Variants in LAMA5 observed in about 807,000 individuals in gnomAD.
LAMA5 encodes the protein laminin subunit alpha 5.
A neutral mutation model predicts 433.4 loss-of-function variants in LAMA5; 260 were observed. The ratio of observed to expected loss-of-function variants is 0.60; its 90% CI spans 0.54 to 0.66. LAMA5 has a LOEUF of 0.66. LAMA5 is among the 30% of genes least tolerant of loss of function. The pLI is 0.00. For missense variants in LAMA5, 5,378 were observed against 5,258.5 expected (o/e 1.02, Z -0.70); for synonymous variants, 2,620 against 2,226.6 (o/e 1.18, Z -4.97).
At chr20:62,329,511 G>A (rs964025691) in intron 32 of LAMA5, among the ~76,000 whole-genome samples, 3 of 152,182 alleles carry the variant, frequency 2.0e-5, no homozygotes, top group Admixed American at 6.5e-5. Context: ...TGCTGGCCAC[G>A]CCTTCCTCTT....
chr20:62,326,854 A>G lies in LAMA5; in HGVS notation c.5214+11T>C, dbSNP rs377713188. The G allele has an allele frequency of 5.0e-6, 8 of 1,607,964 alleles. No individual in the cohort carries two copies. The highest frequency in any genetic ancestry group is 6.8e-6 in the Non-Finnish European group (8 of 1,175,804). ...CCCAACCACCCTGCCACATCATCTC[A>G]GCTCCCTCACCTGCAGCACCACATC... On this transcript the variant is annotated intron_variant, in intron 39 of 79. Transcript: ENST00000252999.
At chr20:62,338,668 C>T in intron 11 of LAMA5, 60 bp from the exon 12 acceptor site, 1 of 1,486,350 alleles carries the variant, frequency 6.7e-7, no homozygotes. Context: ...GTACGCCCCT[C>T]CTGGCAAACC....
At chr20:62,345,540 C>T (rs745877374) in intron 11 of LAMA5, 51 of 574,166 alleles carry the variant, frequency 8.9e-5, no homozygotes, top group Non-Finnish European at 1.3e-4. Context: ...CGGAGTAGCT[C>T]GAACTACAGG....
At chr20:62,360,167 G>A (rs897777423) in intron 2 of LAMA5, among the ~76,000 whole-genome samples, 6 of 151,004 alleles carry the variant, frequency 4.0e-5, no homozygotes, top group African/African-American at 7.3e-5. Context: ...GGCCTAGGCC[G>A]AGACAGGGGC....
chr20:62,326,720 G>A lies in LAMA5; in HGVS notation c.5255C>T (p.Pro1752Leu). 6.2e-7 allele frequency: 1 copy of A among 1,612,826 alleles called. No individual in the cohort carries two copies. The highest frequency in any genetic ancestry group is 1.6e-4 in the Middle Eastern group (1 of 6,078). Residue 1752 changes from proline (P) to leucine (L), a missense_variant, in exon 40 of 80, where the codon CCC becomes CTC. Coordinates refer to ENST00000252999, the MANE Select transcript of LAMA5 (RefSeq NM_005560.6). ...MSITFLEPAY[P>L]TPGHVHRGQL... is the part of the protein sequence containing the mutation. Reference sequence around the variant, plus strand: ...CCCACGGTGAACGTGGCCAGGCGTGGGGTATGCCGGCTCCAGGAATGTGAT... The same window carrying A: ...CCCACGGTGAACGTGGCCAGGCGTGAGGTATGCCGGCTCCAGGAATGTGAT...
At chr20:62,334,793 G>A (rs1006050549) in intron 20 of LAMA5, among the ~76,000 whole-genome samples, 172 bp from the exon 21 acceptor site, 10 of 150,672 alleles carry the variant, frequency 6.6e-5, no homozygotes, top group African/African-American at 2.5e-4. Flanking sequence ...GCTGGGATCT[G>A]TTAGTGCCGT....
rs772840799 is a variant in LAMA5 at position 62,327,379 on chromosome 20, G to T, written c.4966C>A (p.Leu1656Met). The T allele has an allele frequency of 2.1e-5, 34 of 1,593,410 alleles. No homozygotes were observed. The Admixed American group carries it at 5.5e-4, about 26-fold the overall frequency. ...EFVDMEGWVL[L>M]STDRQVVPHE... is the part of the protein sequence containing the mutation. ...GGCACCACCTGCCGGTCAGTGCTCAGCAGCACCCATCCCTCCATATCCACG... is the reference window on the plus strand; with the variant it reads ...GGCACCACCTGCCGGTCAGTGCTCATCAGCACCCATCCCTCCATATCCACG... Residue 1656 changes from leucine to methionine, a missense_variant, in exon 38 of 80, where the codon CTG (leucine) becomes ATG (methionine). Leu to Met is a conservative substitution (Grantham distance 15). Transcript: ENST00000252999.
intron 1 of LAMA5, among the ~76,000 whole-genome samples, chr20:62,363,501 T>C (rs1986387121): frequency 6.6e-6 from 1 of 152,056 alleles, no homozygotes; most frequent in African/African-American, 2.4e-5. Flanking sequence ...AGCAGAATCC[T>C]GGCCTGCATC....
Position 62,314,346 on chromosome 20 carries a change from T to G in LAMA5, c.8462A>C (p.Asp2821Ala), listed in dbSNP as rs1326200446. 6.2e-7 allele frequency: 1 copy of G among 1,613,294 alleles called. No homozygotes were observed. The highest frequency in any genetic ancestry group is 1.3e-5 in the African/African-American group (1 of 74,990). ...GEAGPAVLSI[D>A]EDIGEQFAAV... ...TGCGAACTGCTCCCCAATGTCCTCA[T>G]CGATGCTTAGGACTGCAGGGCCCGC... Residue 2821 changes from aspartate (D) to alanine (A), a missense_variant, in exon 62 of 80, where the codon GAT becomes GCT. Coordinates refer to ENST00000252999, the MANE Select transcript of LAMA5 (RefSeq NM_005560.6).
chr20:62,317,060 G>A lies in LAMA5; in HGVS notation c.7512-37C>T, dbSNP rs2236521. ...GGGAGGGTCGAAGGAGTGGGTAAGC[G>A]CAGACGCCCTCGGCCTGGCTCTCCA... On this transcript the variant is annotated intron_variant, in intron 55 of 79. Coordinates refer to ENST00000252999, the MANE Select transcript of LAMA5 (RefSeq NM_005560.6). The A allele has an allele frequency of 0.54, 803,993 of 1,502,668 alleles. 221,717 individuals carry two copies. The highest frequency in any genetic ancestry group is 0.74 in the East Asian group (32,107 of 43,400). 93.1% of individuals were successfully genotyped at this position (1,502,668 alleles called of 1,614,324 possible).
At chr20:62,328,081 C>T (rs1979639569) in intron 35 of LAMA5, 71 bp from the exon 36 acceptor site, 3 of 1,580,064 alleles carry the variant, frequency 1.9e-6, no homozygotes, top group African/African-American at 2.7e-5. Flanking sequence ...CTCGTAGGCA[C>T]CCCCCACCCA....
intron 2 of LAMA5, among the ~76,000 whole-genome samples, chr20:62,361,762 G>A (rs1039019781): frequency 3.3e-5 from 5 of 152,192 alleles, no homozygotes; most frequent in African/African-American, 4.8e-5. Context: ...CTGGGTACCC[G>A]GGCCAAGTCG....
Position 62,310,696 on chromosome 20 carries a change from A to T in LAMA5, c.10415T>A (p.Leu3472His). The T allele has an allele frequency of 6.2e-7, 1 of 1,602,114 alleles. No individual in the cohort carries two copies. The change falls in exon 75 of 80, where the codon CTC (leucine) becomes CAC (histidine). Residue 3472 changes from leucine to histidine, a missense_variant. Transcript: ENST00000252999. ...PQPHTLFVGG[L>H]PASSHSSKLP... ...TTTGGAGCTGTGGCTGCTGGCCGGG[A>T]GGCCGCCCACAAAGAGGGTGTGGGG...
rs775240073 is a variant in LAMA5, at chr20:62,352,011, C to T, written c.756G>A (p.Glu252=). ...GGCGGACGTTGGTGGCCTTGGTGAA[C>T]TCACGTAGCAGCGGCGAGTAGGAGA... The part of the protein sequence containing the change: ...MNFSYSPLLR[E]FTKATNVRLR... The change falls in exon 5 of 80, where the codon GAG becomes GAA. Residue 252 remains glutamate (E), a synonymous_variant. Coordinates refer to ENST00000252999, the MANE Select transcript of LAMA5 (RefSeq NM_005560.6). 4 of 1,612,712 alleles carry T rather than the reference C, an allele frequency of 2.5e-6. No homozygotes were observed. Among genetic ancestry groups the T allele is most frequent in the South Asian group, 1.1e-5 (1 of 91,070 alleles).
intron 40 of LAMA5, among the ~76,000 whole-genome samples, chr20:62,326,293 T>C (rs1601331540): frequency 2.0e-5 from 3 of 150,244 alleles, no homozygotes; most frequent in East Asian, 3.9e-4. Flanking sequence ...CGGTTGTTAC[T>C]CTGAAGTCTG....
intron 21 of LAMA5, 68 bp from the exon 22 acceptor site, chr20:62,334,410 G>GA: frequency 6.6e-7 from 1 of 1,520,124 alleles, no homozygotes; most frequent in Non-Finnish European, 8.9e-7. Context: ...GCGGCCCCGG[G>GA]TCTCCAGGGA....
chr20:62,345,966 C>T (rs138401267), intron 10 of LAMA5, 89 bp from the exon 11 acceptor site: 16 of 1,572,362 alleles, frequency 1.0e-5, no homozygotes, highest in Admixed American at 1.7e-5. Flanking sequence ...TCAGCACAAT[C>T]GGAGATGCAG....
intron 1 of LAMA5, among the ~76,000 whole-genome samples, chr20:62,363,039 G>A (rs1412433713): frequency 6.6e-6 from 1 of 151,766 alleles, no homozygotes; most frequent in Non-Finnish European, 1.5e-5. Context: ...GCCCTGCCAG[G>A]GGCTCCAGAG....
At position 62,337,915 on chromosome 20, in the gene LAMA5, C is replaced by T. The variant is rs768143305; in HGVS notation, c.1915G>A (p.Ala639Thr). ...CQACTCDPRG[A>T]LDQLCGAGGL... ...CCCGCCCCACAGAGCTGGTCCAGGG[C>T]TCCCCGAGGGTCGCAGGTGCATGCT... is the stretch of plus-strand genomic sequence containing the variant. Residue 639 changes from alanine (A) to threonine (T), a missense_variant, in exon 15 of 80, where the codon GCC (alanine) becomes ACC (threonine). Physicochemically the swap from Ala to Thr is moderately conservative, Grantham distance 58. Coordinates refer to ENST00000252999, the MANE Select transcript of LAMA5 (RefSeq NM_005560.6). 1 of 1,611,172 alleles carries T rather than the reference C, an allele frequency of 6.2e-7. No individual in the cohort carries two copies. The highest frequency in any genetic ancestry group is 1.1e-5 in the South Asian group (1 of 90,940).
Sources: allele counts gnomAD v4.1 joint callset (sites outside exome capture counted in the v4.1 genomes callset), GRCh38; gene constraint gnomAD v4.1.1; transcripts MANE v1.5; gene names NCBI Gene and HGNC (gene_info 2026-07-23, HGNC 2026-07-21).